Variants in B3GALT1 observed in about 807,000 individuals in gnomAD.
B3GALT1 encodes beta-1,3-galactosyltransferase 1.
Under a neutral mutation model 23.2 loss-of-function variants are expected in B3GALT1, and 10 were observed. That is an observed-to-expected ratio of 0.43 (90% confidence interval 0.27 to 0.73). The LOEUF (loss-of-function observed/expected upper bound fraction) is 0.73. Among genes scored for constraint, B3GALT1 ranks in the 30% least tolerant of loss-of-function variants. The pLI is 0.21. For synonymous variants in B3GALT1, 156 were observed against 141.5 expected (o/e 1.10, Z -0.73); for missense variants, 299 against 405.4 (o/e 0.74, Z 2.25).
At chr2:167,356,202 G>A (rs1697400497) in intron 1 of B3GALT1, among the ~76,000 whole-genome samples, 1 of 152,144 alleles carries the variant, frequency 6.6e-6, no homozygotes, top group African/African-American at 2.4e-5. Context: ...AATACAATAT[G>A]AACAGTGATG....
chr2:167,378,110 G>T (rs918613010), intron 1 of B3GALT1, among the ~76,000 whole-genome samples: 1 of 152,098 alleles, frequency 6.6e-6, no homozygotes, highest in African/African-American at 2.4e-5. Flanking sequence ...GAAGTTCTTC[G>T]TTGGAATTTC....
intron 3 of B3GALT1, among the ~76,000 whole-genome samples, chr2:167,799,009 C>T (rs897883669): frequency 6.6e-6 from 1 of 152,134 alleles, no homozygotes; most frequent in Non-Finnish European, 1.5e-5. Flanking sequence ...TTCTGAATGT[C>T]AAGTGAGTTT....
At position 167,851,670 on chromosome 2, in the gene B3GALT1, A is replaced by G. The variant is rs112458621; in HGVS notation, c.-229-17141A>G. On this transcript the variant is annotated intron_variant, in intron 4 of 4. Transcript: ENST00000392690. ...AGCCAGCATTAGAAAAACTTCTTTC[A>G]GAACTCCATGAATATTTTACTTCTA... Among the ~76,000 whole-genome samples the G allele has an allele frequency of 1.9e-3, 295 of 152,366 alleles. 3 individuals are homozygous for G. Among genetic ancestry groups the G allele is most frequent in the African/African-American group, 6.9e-3 (286 of 41,598 alleles).
At chr2:167,695,287 A>T (rs886515070) in intron 3 of B3GALT1, among the ~76,000 whole-genome samples, 4 of 152,030 alleles carry the variant, frequency 2.6e-5, no homozygotes, top group Non-Finnish European at 4.4e-5. Context: ...TTTTGTTCCT[A>T]TTTCCTGGCT....
At chr2:167,378,254 T>A (rs1284243710) in intron 1 of B3GALT1, among the ~76,000 whole-genome samples, 1 of 152,134 alleles carries the variant, frequency 6.6e-6, no homozygotes, top group African/African-American at 2.4e-5. Flanking sequence ...GCCTTTAATA[T>A]TTTTTTCTTT....
chr2:167,549,456 T>C lies in B3GALT1; in HGVS notation c.-410+59179T>C, dbSNP rs572808160. On this transcript the variant is annotated intron_variant, in intron 2 of 4. Coordinates refer to ENST00000392690, the MANE Select transcript of B3GALT1 (RefSeq NM_020981.4). ...TCTGTATGGCATACTTCAGACGAGTTCCTGACAACAAGAAGCTTCCCATTA... is the reference window on the plus strand; with the variant it reads ...TCTGTATGGCATACTTCAGACGAGTCCCTGACAACAAGAAGCTTCCCATTA... 6.6e-5 allele frequency among the ~76,000 whole-genome samples: 10 copies of C among 152,302 alleles called. No homozygotes were observed. In the South Asian group the frequency reaches 1.0e-3, roughly 16 times the overall value.
chr2:167,424,991 C>G (rs1238889036), intron 1 of B3GALT1, among the ~76,000 whole-genome samples: 1 of 152,204 alleles, frequency 6.6e-6, no homozygotes, highest in Non-Finnish European at 1.5e-5. Context: ...CCCAGCTGCT[C>G]CTTCTGGTTA....
At chr2:167,296,357 T>G (rs541159000) in intron 1 of B3GALT1, among the ~76,000 whole-genome samples, 2 of 152,378 alleles carry the variant, frequency 1.3e-5, no homozygotes, top group East Asian at 3.9e-4. Context: ...TTTATAGCGA[T>G]TTGTTTTAAT....
At chr2:167,734,423 A>G (rs1327710047) in intron 3 of B3GALT1, among the ~76,000 whole-genome samples, 1 of 152,194 alleles carries the variant, frequency 6.6e-6, no homozygotes, top group Non-Finnish European at 1.5e-5. Flanking sequence ...CTGTAAGGCA[A>G]TAGCAACTTT....
intron 3 of B3GALT1, among the ~76,000 whole-genome samples, chr2:167,805,969 G>T (rs1304472233): frequency 6.6e-6 from 1 of 150,794 alleles, no homozygotes; most frequent in Non-Finnish European, 1.5e-5. Flanking sequence ...AGCATGGAAT[G>T]TTCTTCCATT....
In B3GALT1 at chr2:167,307,205, A is replaced by G. The variant is rs186855740; in HGVS notation, c.-511+13871A>G. Among the ~76,000 whole-genome samples the G allele has an allele frequency of 8.5e-5, 13 of 152,182 alleles. 1 individual carries two copies. The highest frequency in any genetic ancestry group is 2.9e-4 in the African/African-American group (12 of 41,564). On this transcript the variant is annotated intron_variant, in intron 1 of 4. Transcript: ENST00000392690. ...AAAAGTTCCCTTTATACACGAGTTAATTTGAAGTGAAATAGGAAGAAACAG... is the reference window on the plus strand; with the variant it reads ...AAAAGTTCCCTTTATACACGAGTTAGTTTGAAGTGAAATAGGAAGAAACAG...
Position 167,872,050 on chromosome 2 carries a change from C to A in B3GALT1, c.*2030C>A, listed in dbSNP as rs978978506. 1 of 151,072 alleles carries A rather than the reference C, an allele frequency of 6.6e-6. No individual in the cohort carries two copies. Among genetic ancestry groups the A allele is most frequent in the Non-Finnish European group, 1.5e-5 (1 of 67,688 alleles). 9.4% of individuals were successfully genotyped at this position (151,072 alleles called of 1,614,324 possible). A position where few individuals can be genotyped will look rare whatever the true frequency, so the allele number is the denominator to read the frequency against. ...CCGAGTAGCTGGGACTACAGGCGCC[C>A]GCCATCACGCCCGGCTAATTTTTTT... On this transcript the variant is annotated 3_prime_UTR_variant, in exon 5 of 5. Transcript: ENST00000392690.
chr2:167,497,083 A>G (rs1019096408), intron 2 of B3GALT1, among the ~76,000 whole-genome samples: 11 of 152,212 alleles, frequency 7.2e-5, no homozygotes, highest in Non-Finnish European at 8.8e-5. Flanking sequence ...TGTTGCTTAT[A>G]GGCCATCTTT....
At chr2:167,638,027 G>A (rs1685589045) in intron 2 of B3GALT1, among the ~76,000 whole-genome samples, 1 of 151,858 alleles carries the variant, frequency 6.6e-6, no homozygotes, top group Admixed American at 6.6e-5. Flanking sequence ...GTCAACATTT[G>A]GCAAGTATTT....
intron 1 of B3GALT1, among the ~76,000 whole-genome samples, chr2:167,379,417 T>C (rs745526623): frequency 2.6e-4 from 39 of 152,122 alleles, no homozygotes; most frequent in Middle Eastern, 3.2e-3. Flanking sequence ...TTATTATCAT[T>C]ATTTTCTTCC....
intron 3 of B3GALT1, among the ~76,000 whole-genome samples, chr2:167,746,998 C>T (rs1687662967): frequency 6.6e-6 from 1 of 152,134 alleles, no homozygotes; most frequent in Non-Finnish European, 1.5e-5. Flanking sequence ...TTTTCGCTCC[C>T]TTTCTGCTTT....
At chr2:167,777,753 G>T (rs1290096444) in intron 3 of B3GALT1, among the ~76,000 whole-genome samples, 1 of 152,132 alleles carries the variant, frequency 6.6e-6, no homozygotes, top group Non-Finnish European at 1.5e-5. Flanking sequence ...TTTTTATCCT[G>T]ATGTCTAAAT....
rs575475884 is a variant in B3GALT1, at chr2:167,575,883, G to A, written c.-409-71026G>A. On this transcript the variant is annotated intron_variant, in intron 2 of 4. Coordinates refer to ENST00000392690, the MANE Select transcript of B3GALT1 (RefSeq NM_020981.4). ...AATGTTTTCAAAACAGGGAGTTCAC[G>A]TTTTCAATTTCCAGGGTACACATGA... Among the ~76,000 whole-genome samples the A allele has an allele frequency of 5.3e-5, 8 of 151,708 alleles. No homozygotes were observed. In the South Asian group the frequency reaches 1.0e-3, roughly 20 times the overall value.
intron 1 of B3GALT1, among the ~76,000 whole-genome samples, chr2:167,335,390 C>T (rs1233789919): frequency 6.6e-6 from 1 of 151,968 alleles, no homozygotes; most frequent in African/African-American, 2.4e-5. Context: ...TTTGTTTTAA[C>T]GGAGGTGATT....
Sources: allele counts gnomAD v4.1 joint callset (sites outside exome capture counted in the v4.1 genomes callset), GRCh38; gene constraint gnomAD v4.1.1; transcripts MANE v1.5; gene names NCBI Gene and HGNC (gene_info 2026-07-23, HGNC 2026-07-21).